The following PRDM10 variants were observed in gnomAD, a reference collection of about 807,000 sequenced individuals.
The protein encoded by PRDM10 is PR/SET domain 10.
A neutral mutation model predicts 133.1 loss-of-function variants in PRDM10; 65 were observed. The observed-to-expected ratio is 0.49, with a 90% CI of 0.40 to 0.60. The LOEUF (loss-of-function observed/expected upper bound fraction) is 0.60, where lower values mean the gene tolerates loss of function less well. PRDM10 is among the 20% of genes least tolerant of loss of function. The pLI is 0.00. For missense variants in PRDM10, 1,137 were observed against 1,507.1 expected (o/e 0.75, Z 4.07); for synonymous variants, 582 against 580.4 (o/e 1.00, Z -0.04).
At chr11:129,928,669 A>G (rs182524237) in intron 11 of PRDM10, among the ~76,000 whole-genome samples, 33 of 152,286 alleles carry the variant, frequency 2.2e-4, no homozygotes, top group African/African-American at 7.0e-4. Flanking sequence ...TGCCGAGATT[A>G]TAGGTGTGAG....
In PRDM10 at chr11:129,928,968, G is replaced by GA. The variant is rs1236780014; in HGVS notation, c.1530+2047dup. On this transcript the variant is annotated intron_variant, in intron 11 of 20. Coordinates refer to ENST00000360871, the MANE Select transcript of PRDM10 (RefSeq NM_199437.2). Reference sequence around the variant, plus strand: ...TCTCACCTTATCCAAGAATTATCCTGACTCCTCTATTTTACTTCAACCTTT... The same window carrying GA: ...TCTCACCTTATCCAAGAATTATCCTGAACTCCTCTATTTTACTTCAACCTTT... 6.6e-5 allele frequency among the ~76,000 whole-genome samples: 10 copies of GA among 152,188 alleles called. No individual in the cohort carries two copies. In the East Asian group the frequency reaches 1.7e-3, roughly 26 times the overall value.
chr11:129,900,942 T>C lies in PRDM10; in HGVS notation c.*1371A>G, dbSNP rs576624426. 2.0e-5 allele frequency: 3 copies of C among 152,796 alleles called. No homozygotes were observed. The highest frequency in any genetic ancestry group is 2.9e-5 in the Non-Finnish European group (2 of 68,040). The allele number at this position is 152,796 out of a possible 1,614,324, so 9.5% of individuals were successfully genotyped here. ...TAAAGAAGCTACTCTACTTAATTTA[T>C]AGAACCAGTTTTTACCCAGAAATGT... On this transcript the variant is annotated 3_prime_UTR_variant, in exon 21 of 21. Transcript: ENST00000360871.
chr11:129,925,786 G>T (rs1950660879), intron 11 of PRDM10, among the ~76,000 whole-genome samples: 2 of 152,190 alleles, frequency 1.3e-5, no homozygotes, highest in Non-Finnish European at 2.9e-5. Context: ...GAAGGAAATG[G>T]ATACCAGGTT....
intron 4 of PRDM10, among the ~76,000 whole-genome samples, chr11:129,953,113 G>C (rs1047524085): frequency 1.3e-5 from 2 of 150,068 alleles, no homozygotes; most frequent in African/African-American, 4.9e-5. Context: ...ACTCAGCTAG[G>C]ATTACAGGTG....
At chr11:129,986,382 T>C (rs112471802) in intron 1 of PRDM10, among the ~76,000 whole-genome samples, 2,274 of 152,246 alleles carry the variant, frequency 0.015, 27 homozygotes, top group Non-Finnish European at 0.023. Context: ...GTTGTGTGAA[T>C]TTCGTTTGCT....
chr11:129,975,616 G>C (rs1203099371), intron 1 of PRDM10, among the ~76,000 whole-genome samples: 1 of 151,992 alleles, frequency 6.6e-6, no homozygotes, highest in Non-Finnish European at 1.5e-5. Context: ...ATAAACCCTT[G>C]CCACCCCAGG....
chr11:129,904,208 G>C (rs1258881247), intron 20 of PRDM10, among the ~76,000 whole-genome samples: 1 of 140,308 alleles, frequency 7.1e-6, no homozygotes, highest in Admixed American at 7.1e-5. Context: ...GAGGCCACAA[G>C]ACTAGTTAGC....
chr11:129,943,659 A>G (rs1951288281), intron 6 of PRDM10, among the ~76,000 whole-genome samples: 1 of 152,170 alleles, frequency 6.6e-6, no homozygotes, highest in Admixed American at 6.5e-5. Context: ...CAGGAGTTCA[A>G]GATCAACCTG....
intron 18 of PRDM10, 117 bp from the exon 19 acceptor site, chr11:129,910,773 T>C (rs1950165065): frequency 2.0e-6 from 2 of 1,006,654 alleles, no homozygotes; most frequent in South Asian, 2.2e-5. Flanking sequence ...GAAACTATCG[T>C]TGCTATTTTT....
chr11:129,987,862 G>A (rs181697897), intron 1 of PRDM10, among the ~76,000 whole-genome samples: 40 of 152,238 alleles, frequency 2.6e-4, no homozygotes, highest in African/African-American at 7.9e-4. Context: ...TTAACTGGGC[G>A]CAGTGGCAGG....
chr11:129,938,381 C>T (rs1245737499), intron 7 of PRDM10, among the ~76,000 whole-genome samples: 2 of 152,226 alleles, frequency 1.3e-5, no homozygotes, highest in African/African-American at 4.8e-5. Flanking sequence ...CTCACACCTC[C>T]ACCCATCTTC....
rs761721066 is a variant in PRDM10, at chr11:129,942,500, G to A, written c.892C>T (p.Leu298=). 3.0e-5 allele frequency: 49 copies of A among 1,613,958 alleles called. No homozygotes were observed. The highest frequency in any genetic ancestry group is 6.7e-5 in the Admixed American group (4 of 59,986). The change falls in exon 7 of 21, where the codon CTG becomes TTG. Residue 298 remains leucine (L), a synonymous_variant. Coordinates refer to ENST00000360871, the MANE Select transcript of PRDM10 (RefSeq NM_199437.2). ...RPAQNHLEQN[L]VAYQYGHHVY... Reference sequence around the variant, plus strand: ...TGGTGGCCATACTGGTAAGCCACCAGGTTCTGCTCCAGGTGATTCTGGGCT... The same window carrying A: ...TGGTGGCCATACTGGTAAGCCACCAAGTTCTGCTCCAGGTGATTCTGGGCT...
At chr11:129,979,771 T>C (rs7112013) in intron 1 of PRDM10, among the ~76,000 whole-genome samples, 28,063 of 151,956 alleles carry the variant, frequency 0.18, 2,815 homozygotes, top group African/African-American at 0.27. Context: ...CATCCCTTCC[T>C]GGCCTCGGAT....
chr11:129,990,541 A>G (rs914217011), intron 1 of PRDM10, among the ~76,000 whole-genome samples: 2 of 151,582 alleles, frequency 1.3e-5, no homozygotes, highest in African/African-American at 2.4e-5. Flanking sequence ...AAAAAAAAAA[A>G]AAAAGCAAAT....
At position 129,944,807 on chromosome 11, in the gene PRDM10, C is replaced by G. The variant is rs376057358; in HGVS notation, c.726G>C (p.Arg242Ser). 25 of 1,613,952 alleles carry G rather than the reference C, an allele frequency of 1.5e-5. No homozygotes were observed. Among genetic ancestry groups the G allele is most frequent in the Non-Finnish European group, 2.0e-5 (24 of 1,179,974 alleles). The change falls in exon 6 of 21, where the codon AGG becomes AGC. Residue 242 changes from arginine (R) to serine (S), a missense_variant. By Grantham distance (110) the Arg-to-Ser change is moderately radical. Coordinates refer to ENST00000360871, the MANE Select transcript of PRDM10 (RefSeq NM_199437.2). ...QFGPVEGPLV[R>S]GSELKDCYIH... ...TGTAACAGTCTTTCAGCTCCGAGCC[C>G]CTGACGAGAGGCCCCTCCACGGGGC...
Position 129,947,130 on chromosome 11 carries a change from C to G in PRDM10, c.520+15G>C. The stretch of plus-strand genomic sequence containing the variant: ...GGACACAGCTTCCCTGGGGGAGACC[C>G]GTGCCCACACTTACACAAGTCGTGT... On this transcript the variant is annotated intron_variant, in intron 5 of 20. Transcript: ENST00000360871. This position sits in a 1 kb window ranked among gnomAD's most constrained non-coding sequence, Gnocchi z 4.6. 1 of 1,612,770 alleles carries G rather than the reference C, an allele frequency of 6.2e-7. No individual in the cohort carries two copies. The highest frequency in any genetic ancestry group is 1.1e-5 in the South Asian group (1 of 90,948).
chr11:129,929,259 A>C, intron 11 of PRDM10: 1 of 704,146 alleles, frequency 1.4e-6, no homozygotes, highest in Non-Finnish European at 2.2e-6. Context: ...TGATCTATTT[A>C]CAAATAAATT....
chr11:129,923,444 A>G lies in PRDM10; in HGVS notation c.1879-41T>C, dbSNP rs1257854992. 1.1e-5 allele frequency: 17 copies of G among 1,571,928 alleles called. No homozygotes were observed. In the East Asian group the frequency reaches 3.9e-4, roughly 36 times the overall value. ...ACAGGAAAATTCAGGGGACGCAGGCACCAAATGAAATGACCAAAGGCAGCT... is the reference window on the plus strand; with the variant it reads ...ACAGGAAAATTCAGGGGACGCAGGCGCCAAATGAAATGACCAAAGGCAGCT... On this transcript the variant is annotated intron_variant, in intron 12 of 20. Transcript: ENST00000360871. This position sits in a 1 kb window ranked among gnomAD's most constrained non-coding sequence, Gnocchi z 4.4.
chr11:129,921,810 G>A (rs1304483773), intron 13 of PRDM10, among the ~76,000 whole-genome samples: 1 of 152,122 alleles, frequency 6.6e-6, no homozygotes, highest in Admixed American at 6.6e-5. Context: ...GTACCTGTGG[G>A]TCCCTACTTA....
Sources: gnomAD v4.1 joint callset for allele counts (sites outside exome capture counted in the v4.1 genomes callset) on GRCh38, gnomAD v4.1.1 for gene constraint, Gnocchi (gnomAD v3.1) non-coding constraint, MANE v1.5 for transcripts, NCBI Gene and HGNC (gene_info 2026-07-23, HGNC 2026-07-21) for gene names.